Variants in ZBTB49 observed in about 807,000 individuals in gnomAD.
The protein encoded by ZBTB49 is zinc finger and BTB domain containing 49.
ZBTB49 carries 43 observed loss-of-function variants against 57.5 expected under a neutral mutation model. The ratio of observed to expected loss-of-function variants is 0.75; its 90% CI spans 0.59 to 0.97. The LOEUF (loss-of-function observed/expected upper bound fraction) is 0.97. Ranked by LOEUF, ZBTB49 falls within the 50% of genes least tolerant of loss-of-function variation. The pLI is 0.00. For missense variants in ZBTB49, 938 were observed against 947.7 expected (o/e 0.99, Z 0.13); for synonymous variants, 369 against 362.1 (o/e 1.02, Z -0.22).
intron 1 of ZBTB49, among the ~76,000 whole-genome samples, chr4:4,298,313 T>C (rs1430373356): frequency 2.6e-5 from 4 of 152,152 alleles, no homozygotes; most frequent in Non-Finnish European, 5.9e-5. Flanking sequence ...AGGGGTGTGT[T>C]GAAAAGCTTA....
At chr4:4,301,243 T>C (rs1445842309) in intron 2 of ZBTB49, among the ~76,000 whole-genome samples, 1 of 152,220 alleles carries the variant, frequency 6.6e-6, no homozygotes, top group East Asian at 1.9e-4. Flanking sequence ...CTGAGCTTAT[T>C]ATTTCATACA....
In ZBTB49 at chr4:4,321,509, C is replaced by T. The variant is rs1003290920; in HGVS notation, c.*193C>T. 2.8e-5 allele frequency: 18 copies of T among 637,704 alleles called. No individual in the cohort carries two copies. Among genetic ancestry groups the T allele is most frequent in the East Asian group, 8.5e-5 (3 of 35,348 alleles). 39.5% of individuals were successfully genotyped at this position (637,704 alleles called of 1,614,324 possible). A position where few individuals can be genotyped will look rare whatever the true frequency, so the allele number is the denominator to read the frequency against. ...TGAGGGGGAGGGCCTGCTGGCTCAC[C>T]GTGAGGCAGCCGCGGGAGGGAGCGC... is the stretch of plus-strand genomic sequence containing the variant. On this transcript the variant is annotated 3_prime_UTR_variant, in exon 8 of 8. Transcript: ENST00000337872.
At chr4:4,304,642 A>G (rs1054077762) in intron 3 of ZBTB49, among the ~76,000 whole-genome samples, 1 of 152,210 alleles carries the variant, frequency 6.6e-6, no homozygotes, top group Non-Finnish European at 1.5e-5. Flanking sequence ...TTACTGGCAC[A>G]TAAATATTCT....
At chr4:4,311,571 T>C (rs937433897) in intron 4 of ZBTB49, among the ~76,000 whole-genome samples, 3 of 152,268 alleles carry the variant, frequency 2.0e-5, no homozygotes, top group Non-Finnish European at 2.9e-5. Flanking sequence ...TATTAATTTC[T>C]GGCCCCACCA....
chr4:4,302,095 C>G lies in ZBTB49; in HGVS notation c.259C>G (p.Leu87Val). The change falls in exon 3 of 8, where the codon CTA becomes GTA. Residue 87 changes from leucine to valine, a missense_variant. Coordinates refer to ENST00000337872, the MANE Select transcript of ZBTB49 (RefSeq NM_145291.4). ...CCTGGACTTCATGTACACTTCTCAT[C>G]TAGATCTTAACCAGGACAATATACA... ...QILDFMYTSHLDLNQDNIQVM... is the reference protein window; with the variant it reads ...QILDFMYTSHVDLNQDNIQVM... 4 of 1,614,176 alleles carry G rather than the reference C, an allele frequency of 2.5e-6. No homozygotes were observed. Among genetic ancestry groups the G allele is most frequent in the Non-Finnish European group, 3.4e-6 (4 of 1,180,000 alleles).
At chr4:4,307,079 C>A (rs1243033621) in intron 4 of ZBTB49, among the ~76,000 whole-genome samples, 3 of 152,248 alleles carry the variant, frequency 2.0e-5, no homozygotes, top group Non-Finnish European at 2.9e-5. Context: ...CATTTGCTCA[C>A]ACACCCAAAC....
Position 4,312,975 on chromosome 4 carries a change from A to G in ZBTB49, c.1303-66A>G, listed in dbSNP as rs1474756761. 9 of 1,532,190 alleles carry G rather than the reference A, an allele frequency of 5.9e-6. No homozygotes were observed. In the African/African-American group the frequency reaches 1.1e-4, roughly 19 times the overall value. 94.9% of individuals were successfully genotyped at this position (1,532,190 alleles called of 1,614,324 possible). A position where few individuals can be genotyped will look rare whatever the true frequency, so the allele number is the denominator to read the frequency against. On this transcript the variant is annotated intron_variant, in intron 4 of 7. Transcript: ENST00000337872. ...CTAAATGTGTCAGTTTTCCTTTTGA[A>G]TTTATATAATTTAAAAAACCAAAAA...
At chr4:4,319,994 G>A (rs1203897052) in intron 7 of ZBTB49, among the ~76,000 whole-genome samples, 1 of 152,006 alleles carries the variant, frequency 6.6e-6, no homozygotes, top group Non-Finnish European at 1.5e-5. Context: ...AACCTCGGAG[G>A]CAGAGGTTGC....
chr4:4,299,064 C>T (rs914484340), intron 1 of ZBTB49, among the ~76,000 whole-genome samples: 2 of 152,162 alleles, frequency 1.3e-5, no homozygotes, highest in African/African-American at 4.8e-5. Flanking sequence ...AATGGCTTCC[C>T]ATCTCATTTG....
chr4:4,317,031 A>G (rs1721219834), intron 7 of ZBTB49, among the ~76,000 whole-genome samples: 1 of 152,238 alleles, frequency 6.6e-6, no homozygotes, highest in Admixed American at 6.5e-5. Flanking sequence ...TTCATCTCAA[A>G]GCATCAGTAG....
intron 1 of ZBTB49, among the ~76,000 whole-genome samples, chr4:4,290,848 A>AT (rs1407604945): frequency 1.3e-5 from 2 of 152,370 alleles, no homozygotes; most frequent in Non-Finnish European, 2.9e-5. Flanking sequence ...AGCGAATGTC[A>AT]TAGCGGCACC....
intron 3 of ZBTB49, among the ~76,000 whole-genome samples, chr4:4,303,302 T>C (rs1720586015): frequency 1.3e-5 from 2 of 152,228 alleles, no homozygotes; most frequent in Non-Finnish European, 2.9e-5. Flanking sequence ...AAAGTCACTT[T>C]AAAAAGGTGC....
At chr4:4,310,861 A>T (rs1720959007) in intron 4 of ZBTB49, among the ~76,000 whole-genome samples, 1 of 152,038 alleles carries the variant, frequency 6.6e-6, no homozygotes, top group Non-Finnish European at 1.5e-5. Context: ...GGTGATTTCT[A>T]AGACATGGTC....
chr4:4,306,605 C>T (rs1205867625), intron 4 of ZBTB49, among the ~76,000 whole-genome samples: 1 of 152,136 alleles, frequency 6.6e-6, no homozygotes, highest in Non-Finnish European at 1.5e-5. Flanking sequence ...AAGTTTTGTT[C>T]CCTGTGTTGA....
intron 3 of ZBTB49, among the ~76,000 whole-genome samples, chr4:4,304,184 T>A (rs921277745): frequency 6.6e-6 from 1 of 152,100 alleles, no homozygotes; most frequent in Admixed American, 6.6e-5. Context: ...CTTTAGATGA[T>A]TCTGTTTGCC....
intron 5 of ZBTB49, among the ~76,000 whole-genome samples, chr4:4,313,325 G>T (rs1451604455): frequency 6.6e-6 from 1 of 152,220 alleles, no homozygotes; most frequent in Non-Finnish European, 1.5e-5. Context: ...AGAAAGAAAA[G>T]CTGGGACAGG....
chr4:4,306,803 AC>A (rs1479911079), intron 4 of ZBTB49, among the ~76,000 whole-genome samples: 1 of 152,246 alleles, frequency 6.6e-6, no homozygotes, highest in Admixed American at 6.5e-5. Context: ...ACAGAAGGTA[AC>A]TATTCACCGC....
chr4:4,302,307 G>A lies in ZBTB49; in HGVS notation c.471G>A (p.Leu157=). The A allele has an allele frequency of 4.3e-6, 7 of 1,614,180 alleles. No individual in the cohort carries two copies. Among genetic ancestry groups the A allele is most frequent in the Non-Finnish European group, 5.9e-6 (7 of 1,180,014 alleles). Residue 157 remains leucine (L), a synonymous_variant, in exon 3 of 8, where the codon CTG becomes CTA. Transcript: ENST00000337872. ...GTGAAAACTACCCCCCTCATTTACT[G>A]CAGGAATGTTCAGCAGATGCACAGC... The part of the protein sequence containing the change: ...VISENYPPHL[L]QECSADAQQN...
At chr4:4,310,311 T>C (rs1010568972) in intron 4 of ZBTB49, among the ~76,000 whole-genome samples, 4 of 152,190 alleles carry the variant, frequency 2.6e-5, no homozygotes, top group Non-Finnish European at 4.4e-5. Flanking sequence ...CCTGAATTAG[T>C]GAATTCAGTC....
Sources: allele counts gnomAD v4.1 joint callset (sites outside exome capture counted in the v4.1 genomes callset), GRCh38; gene constraint gnomAD v4.1.1; transcripts MANE v1.5; gene names NCBI Gene and HGNC (gene_info 2026-07-23, HGNC 2026-07-21).